CWC22: variants seen among roughly 807,000 people sequenced by gnomAD.
CWC22 encodes the protein CWC22 spliceosome associated protein.
CWC22 carries 53 observed loss-of-function variants against 117.2 expected under a neutral mutation model. That is an observed-to-expected ratio of 0.45 (90% CI 0.36 to 0.57). The LOEUF (loss-of-function observed/expected upper bound fraction) is 0.57. CWC22 is among the 20% of genes least tolerant of loss of function. The probability of loss-of-function intolerance (pLI) is 0.00; values close to 1 mark genes in which losing one functional copy is unlikely to be tolerated. For missense variants in CWC22, 980 were observed against 1,068.8 expected (o/e 0.92, Z 1.16); for synonymous variants, 360 against 355.6 (o/e 1.01, Z -0.14).
At chr2:179,979,935 T>C (rs1687246478) in intron 5 of CWC22, among the ~76,000 whole-genome samples, 1 of 152,212 alleles carries the variant, frequency 6.6e-6, no homozygotes, top group Non-Finnish European at 1.5e-5. Flanking sequence ...GCAAAGACTA[T>C]GGCCTTCTCT....
At chr2:179,962,290 C>T (rs944089362) in intron 13 of CWC22, among the ~76,000 whole-genome samples, 26 of 152,220 alleles carry the variant, frequency 1.7e-4, no homozygotes, top group South Asian at 2.1e-4. Flanking sequence ...GCCAGAACTT[C>T]GTTTTTGTTC....
chr2:179,959,585 G>T (rs947481685), intron 13 of CWC22, among the ~76,000 whole-genome samples: 2 of 152,032 alleles, frequency 1.3e-5, no homozygotes, highest in African/African-American at 2.4e-5. Flanking sequence ...ATCACAGAGT[G>T]TATTTACAAA....
chr2:179,947,846 G>T (rs192328895), intron 19 of CWC22, among the ~76,000 whole-genome samples: 1 of 152,278 alleles, frequency 6.6e-6, no homozygotes. Flanking sequence ...ACAGAGGAAA[G>T]TATTGATGCC....
intron 14 of CWC22, among the ~76,000 whole-genome samples, chr2:179,958,350 AG>A (rs755905972): frequency 0.11 from 16,186 of 142,302 alleles, 1,162 homozygotes; most frequent in Admixed American, 0.23. Context: ...AAAAAAAAAA[AG>A]AATGAAGAAA....
chr2:179,968,750 T>G (rs974555711), intron 11 of CWC22, among the ~76,000 whole-genome samples: 1 of 151,880 alleles, frequency 6.6e-6, no homozygotes, highest in African/African-American at 2.4e-5. Flanking sequence ...ATATTTTTAG[T>G]AGAGACAGGA....
intron 6 of CWC22, among the ~76,000 whole-genome samples, chr2:179,977,139 G>T (rs1488142232): frequency 1.3e-5 from 2 of 152,030 alleles, no homozygotes; most frequent in African/African-American, 4.8e-5. Flanking sequence ...TGACAATAAA[G>T]CAAGACCCCC....
intron 5 of CWC22, among the ~76,000 whole-genome samples, chr2:179,979,518 T>C (rs1007781422): frequency 6.6e-6 from 1 of 152,182 alleles, no homozygotes; most frequent in Non-Finnish European, 1.5e-5. Flanking sequence ...CTTGAGGGGC[T>C]TGTAGGTTAA....
chr2:179,991,745 C>A (rs1687572617), intron 2 of CWC22, among the ~76,000 whole-genome samples: 1 of 152,176 alleles, frequency 6.6e-6, no homozygotes, highest in Non-Finnish European at 1.5e-5. Flanking sequence ...AGCTCCTAAC[C>A]CAGAATCTGC....
chr2:179,966,724 T>C (rs1373954306), intron 11 of CWC22, among the ~76,000 whole-genome samples: 2 of 152,204 alleles, frequency 1.3e-5, no homozygotes, highest in African/African-American at 4.8e-5. Context: ...TAAAATTATA[T>C]TTTGTCCAAT....
At chr2:179,948,643 T>A (rs1375505583) in intron 19 of CWC22, among the ~76,000 whole-genome samples, 1 of 152,154 alleles carries the variant, frequency 6.6e-6, no homozygotes, top group Non-Finnish European at 1.5e-5. Flanking sequence ...TTGCCAAAAA[T>A]GTCTAATCTC....
intron 19 of CWC22, among the ~76,000 whole-genome samples, chr2:179,949,017 T>C (rs1686381025): frequency 6.6e-6 from 1 of 152,194 alleles, no homozygotes; most frequent in South Asian, 2.1e-4. Context: ...CTTTCCTAAA[T>C]CTAAAATTAG....
chr2:179,950,895 G>A lies in CWC22; in HGVS notation c.1849C>T (p.Pro617Ser), dbSNP rs765110601. The change falls in exon 18 of 20, where the codon CCC becomes TCC. Residue 617 changes from proline to serine, a missense_variant. Pro to Ser is a moderately conservative substitution (Grantham distance 74). Transcript: ENST00000410053. ...CGAGTGTTTCTTGGATTATCTCGGG[G>A]TAATAATCCTTCAAAGAATGGCTGC... The part of the protein sequence containing the change: ...TLQPFFEGLL[P>S]RDNPRNTRFA... 2 of 1,580,398 alleles carry A rather than the reference G, an allele frequency of 1.3e-6. No individual in the cohort carries two copies. Among genetic ancestry groups the A allele is most frequent in the East Asian group, 4.6e-5 (2 of 43,238 alleles).
intron 2 of CWC22, among the ~76,000 whole-genome samples, chr2:179,989,548 G>A (rs1325259124): frequency 2.0e-5 from 3 of 151,962 alleles, no homozygotes; most frequent in East Asian, 1.9e-4. Context: ...TAGGCTCTAG[G>A]GACTCGAACA....
chr2:180,004,142 T>C (rs1481392983), intron 1 of CWC22, among the ~76,000 whole-genome samples: 1 of 152,234 alleles, frequency 6.6e-6, no homozygotes, highest in Non-Finnish European at 1.5e-5. Context: ...CAATAGCCAC[T>C]TCTTTCTCGG....
intron 11 of CWC22, among the ~76,000 whole-genome samples, chr2:179,969,848 A>C (rs1212180634): frequency 6.6e-6 from 1 of 152,180 alleles, no homozygotes; most frequent in Non-Finnish European, 1.5e-5. Flanking sequence ...ATAGTAACTA[A>C]TAATAGCTAT....
At chr2:179,999,959 T>G (rs1687803875) in intron 1 of CWC22, among the ~76,000 whole-genome samples, 1 of 152,014 alleles carries the variant, frequency 6.6e-6, no homozygotes, top group Non-Finnish European at 1.5e-5. Flanking sequence ...TCTCAGAAAA[T>G]ACCTCAACAA....
At chr2:180,003,093 T>C (rs1269665479) in intron 1 of CWC22, among the ~76,000 whole-genome samples, 1 of 152,204 alleles carries the variant, frequency 6.6e-6, no homozygotes, top group Non-Finnish European at 1.5e-5. Context: ...TTTTGTCAAC[T>C]TGTTCATCAA....
chr2:179,954,591 T>G (rs1299582147), intron 15 of CWC22, among the ~76,000 whole-genome samples: 1 of 152,048 alleles, frequency 6.6e-6, no homozygotes, highest in Non-Finnish European at 1.5e-5. Flanking sequence ...GGTGATCACA[T>G]GAGGGTAGAG....
At chr2:179,982,109 G>T (rs1040266313) in intron 4 of CWC22, 112 bp from the exon 5 acceptor site, 19 of 643,626 alleles carry the variant, frequency 3.0e-5, no homozygotes, top group Non-Finnish European at 4.8e-5. Flanking sequence ...TTCAGACTAG[G>T]AAAAGTGGTT....
Sources: allele counts gnomAD v4.1 joint callset (sites outside exome capture counted in the v4.1 genomes callset), GRCh38; gene constraint gnomAD v4.1.1; transcripts MANE v1.5; gene names NCBI Gene and HGNC (gene_info 2026-07-23, HGNC 2026-07-21).